The following DSTYK variants were observed in gnomAD, a reference collection of about 807,000 sequenced individuals.
DSTYK encodes dual serine/threonine and tyrosine protein kinase.
Under a neutral mutation model 98.7 loss-of-function variants are expected in DSTYK, and 34 were observed. The ratio of observed to expected loss-of-function variants is 0.34; its 90% CI spans 0.26 to 0.46. DSTYK has a LOEUF of 0.46. Ranked by LOEUF, DSTYK falls within the 20% of genes least tolerant of loss-of-function variation. DSTYK has a pLI of 1.00. For missense variants in DSTYK, 962 were observed against 1,181.7 expected (o/e 0.81, Z 2.73); for synonymous variants, 462 against 457.3 (o/e 1.01, Z -0.13).
chr1:205,177,446 T>C (rs1251357356), intron 2 of DSTYK, among the ~76,000 whole-genome samples: 1 of 152,232 alleles, frequency 6.6e-6, no homozygotes, highest in Non-Finnish European at 1.5e-5. Context: ...ATTTGAAAGG[T>C]TTCTCCTGTT....
At position 205,208,474 on chromosome 1, in the gene DSTYK, C is replaced by G. The variant is rs368634380; in HGVS notation, c.265+2797G>C. Among the ~76,000 whole-genome samples, 85 of 152,326 alleles carry G rather than the reference C, an allele frequency of 5.6e-4. 1 individual carries two copies. Among genetic ancestry groups the G allele is most frequent in the African/African-American group, 2.0e-3 (82 of 41,574 alleles). ...ACCATACTACATCAACCTAGAGGCA[C>G]AGTTCCATTCTGAAGTGATGCTTAA... On this transcript the variant is annotated intron_variant, in intron 1 of 12. Transcript: ENST00000367162.
chr1:205,200,592 G>A (rs1275273650), intron 1 of DSTYK, among the ~76,000 whole-genome samples: 2 of 152,156 alleles, frequency 1.3e-5, no homozygotes, highest in African/African-American at 2.4e-5. Context: ...AAATCCTCTG[G>A]GAGAGACATG....
At chr1:205,182,217 A>G (rs1395355571) in intron 2 of DSTYK, among the ~76,000 whole-genome samples, 1 of 151,622 alleles carries the variant, frequency 6.6e-6, no homozygotes, top group Non-Finnish European at 1.5e-5. Flanking sequence ...CCTGGTCAAC[A>G]TGGTGAAACC....
At chr1:205,170,745 G>A (rs1658034825) in intron 2 of DSTYK, among the ~76,000 whole-genome samples, 1 of 152,174 alleles carries the variant, frequency 6.6e-6, no homozygotes, top group Non-Finnish European at 1.5e-5. Flanking sequence ...TTTACAGATA[G>A]GGGTATCCGA....
chr1:205,174,710 A>T (rs986095213), intron 2 of DSTYK, among the ~76,000 whole-genome samples: 20 of 149,274 alleles, frequency 1.3e-4, no homozygotes, highest in African/African-American at 1.7e-4. Flanking sequence ...TTAATTAATT[A>T]AAAAAAGGGA....
At position 205,169,629 on chromosome 1, in the gene DSTYK, C is replaced by T. The variant is rs777587818; in HGVS notation, c.858G>A (p.Ser286=). The part of the protein sequence containing the change: ...VFFFKVPKLG[S]EIIDSSTRRM... ...TCCTGGTTGAGGAGTCTATTATCTCCGAGCCCAGTTTCGGCACTTTGAAAA... is the reference window on the plus strand; with the variant it reads ...TCCTGGTTGAGGAGTCTATTATCTCTGAGCCCAGTTTCGGCACTTTGAAAA... Residue 286 remains serine (S), a synonymous_variant, in exon 3 of 13, where the codon TCG becomes TCA. Coordinates refer to ENST00000367162, the MANE Select transcript of DSTYK (RefSeq NM_015375.3). This position sits in a 1 kb window ranked among gnomAD's most constrained non-coding sequence, Gnocchi z 4.0. 8.7e-6 allele frequency: 14 copies of T among 1,614,046 alleles called. No homozygotes were observed. The highest frequency in any genetic ancestry group is 1.6e-4 in the Middle Eastern group (1 of 6,084).
At chr1:205,152,770 T>C (rs552250715) in intron 10 of DSTYK, among the ~76,000 whole-genome samples, 2 of 152,294 alleles carry the variant, frequency 1.3e-5, no homozygotes, top group South Asian at 4.1e-4. Flanking sequence ...GTCATGTCAG[T>C]GCCCAGAAAC....
At chr1:205,195,937 AT>A (rs1266051180) in intron 1 of DSTYK, among the ~76,000 whole-genome samples, 1 of 152,228 alleles carries the variant, frequency 6.6e-6, no homozygotes, top group Non-Finnish European at 1.5e-5. Flanking sequence ...GGACGCAGAG[AT>A]GGAAGTAGTT....
chr1:205,173,353 CA>C (rs1179792205), intron 2 of DSTYK: 3 of 141,172 alleles, frequency 2.1e-5, no homozygotes, highest in Non-Finnish European at 4.5e-5. Flanking sequence ...GAGATCACAC[CA>C]TGCACTCCAA....
Position 205,169,897 on chromosome 1 carries a change from G to C in DSTYK, c.655-65C>G, listed in dbSNP as rs1213555505. On this transcript the variant is annotated intron_variant, in intron 2 of 12. Transcript: ENST00000367162. The surrounding 1 kb of genome is among the most constrained non-coding windows in gnomAD (Gnocchi z 4.0). ...CAGAACCAATCCCTGTCTCCCCAAA[G>C]TCCCACACTGAGACCAAAATCCTGA... 2.7e-6 allele frequency: 4 copies of C among 1,470,128 alleles called. No individual in the cohort carries two copies. The East Asian group carries it at 9.1e-5, about 34-fold the overall frequency. 91.1% of individuals were successfully genotyped at this position (1,470,128 alleles called of 1,614,324 possible).
intron 3 of DSTYK, among the ~76,000 whole-genome samples, chr1:205,168,294 C>T (rs1209921072): frequency 6.6e-6 from 1 of 152,134 alleles, no homozygotes; most frequent in African/African-American, 2.4e-5. Flanking sequence ...GGATTCAAAT[C>T]CTGCCTCTAA....
chr1:205,174,304 G>C (rs1280614811), intron 2 of DSTYK, among the ~76,000 whole-genome samples: 1 of 151,900 alleles, frequency 6.6e-6, no homozygotes, highest in Non-Finnish European at 1.5e-5. Flanking sequence ...CACGAAGTCA[G>C]GAGTTCAAGA....
intron 1 of DSTYK, among the ~76,000 whole-genome samples, chr1:205,195,825 C>T (rs1658849832): frequency 6.6e-6 from 1 of 152,238 alleles, no homozygotes. Context: ...ACGCACTCAG[C>T]AGCATGCTGA....
rs114271125 is a variant in DSTYK at position 205,202,133 on chromosome 1, G to A, written c.265+9138C>T. On this transcript the variant is annotated intron_variant, in intron 1 of 12. Transcript: ENST00000367162. Reference sequence around the variant, plus strand: ...AAGGGAGAAGGGGAAGGGAAGGGAAGGGGAAGGGGAAGGGGAAGGGGCTTC... The same window carrying A: ...AAGGGAGAAGGGGAAGGGAAGGGAAAGGGAAGGGGAAGGGGAAGGGGCTTC... The A allele has an allele frequency of 6.8e-3, 2,518 of 370,812 alleles. 42 individuals are homozygous for A. Among genetic ancestry groups the A allele is most frequent in the African/African-American group, 0.043 (2,056 of 47,688 alleles). 23.0% of individuals were successfully genotyped at this position (370,812 alleles called of 1,614,324 possible). A position where few individuals can be genotyped will look rare whatever the true frequency, so the allele number is the denominator to read the frequency against.
chr1:205,181,678 G>GTGTGTA (rs1658408103), intron 2 of DSTYK, among the ~76,000 whole-genome samples: 2 of 151,394 alleles, frequency 1.3e-5, no homozygotes, highest in Non-Finnish European at 3.0e-5. Flanking sequence ...GTGTGTGTGT[G>GTGTGTA]TGTGTGTGTG....
At chr1:205,152,407 C>A (rs921424606) in intron 10 of DSTYK, among the ~76,000 whole-genome samples, 5 of 152,182 alleles carry the variant, frequency 3.3e-5, no homozygotes, top group African/African-American at 1.2e-4. Context: ...GAACTCCCAA[C>A]CTCAGGTGAT....
chr1:205,189,876 A>G (rs1658660554), intron 1 of DSTYK, among the ~76,000 whole-genome samples: 1 of 152,200 alleles, frequency 6.6e-6, no homozygotes, highest in African/African-American at 2.4e-5. Context: ...GAGTTAACTA[A>G]GTATATAATT....
intron 2 of DSTYK, among the ~76,000 whole-genome samples, chr1:205,178,283 A>G (rs949857980): frequency 2.0e-5 from 3 of 152,062 alleles, no homozygotes; most frequent in Non-Finnish European, 4.4e-5. Context: ...TCTATCTCGA[A>G]TGACAATGGA....
intron 1 of DSTYK, 44 bp downstream of exon 1, chr1:205,211,227 A>G (rs760647080): frequency 4.5e-6 from 7 of 1,541,814 alleles, no homozygotes; most frequent in Non-Finnish European, 5.2e-6. Context: ...CCGTCCTCCG[A>G]TTTGCCTCTC....
Sources: allele counts gnomAD v4.1 joint callset (sites outside exome capture counted in the v4.1 genomes callset), GRCh38; gene constraint gnomAD v4.1.1; non-coding constraint Gnocchi (gnomAD v3.1); transcripts MANE v1.5; gene names NCBI Gene and HGNC (gene_info 2026-07-23, HGNC 2026-07-21).